CAPZB: variants seen among roughly 807,000 people sequenced by gnomAD.
The protein encoded by CAPZB is F-actin-capping protein subunit beta.
Under a neutral mutation model 38.1 loss-of-function variants are expected in CAPZB, and 2 were observed. The observed-to-expected ratio is 0.05, with a 90% CI of 0.02 to 0.17. The LOEUF (loss-of-function observed/expected upper bound fraction) is 0.17, where lower values mean the gene tolerates loss of function less well. Ranked by LOEUF, CAPZB falls within the 10% of genes least tolerant of loss-of-function variation. The pLI, the probability that CAPZB is intolerant of heterozygous loss-of-function variation, is 1.00. For missense variants in CAPZB, 161 were observed against 334.2 expected, an observed-to-expected ratio of 0.48 and a Z score of 4.04; for synonymous variants, 107 against 127.4, an observed-to-expected ratio of 0.84 and a Z score of 1.08.
chr1:19,429,172 T>C (rs540094905), intron 1 of CAPZB, among the ~76,000 whole-genome samples: 18 of 152,314 alleles, frequency 1.2e-4, no homozygotes, highest in African/African-American at 4.1e-4. Context: ...TTTTTACATT[T>C]ATCTGCTTCT....
chr1:19,484,192 G>C (rs1157139685), intron 1 of CAPZB: 1 of 1,611,802 alleles, frequency 6.2e-7, no homozygotes, highest in African/African-American at 1.3e-5. Flanking sequence ...CTGCTCACCT[G>C]ATCCGAGGGA....
At chr1:19,414,646 C>T (rs2094371495) in intron 2 of CAPZB, among the ~76,000 whole-genome samples, 1 of 152,236 alleles carries the variant, frequency 6.6e-6, no homozygotes, top group Admixed American at 6.5e-5. Context: ...GGAAGGCCTG[C>T]TGGGTGCCAA....
chr1:19,369,767 G>A (rs1368050510), intron 4 of CAPZB, among the ~76,000 whole-genome samples: 1 of 152,214 alleles, frequency 6.6e-6, no homozygotes, highest in East Asian at 1.9e-4. Flanking sequence ...GAAGGGGGAT[G>A]TCCCCAACCA....
intron 1 of CAPZB, 133 bp from the exon 2 acceptor site, chr1:19,419,883 C>G (rs2100509036): frequency 6.6e-6 from 4 of 609,632 alleles, no homozygotes; most frequent in Middle Eastern, 4.3e-4. Context: ...CGCCAGGTCT[C>G]TGTGTGCCAG....
intron 1 of CAPZB, among the ~76,000 whole-genome samples, chr1:19,429,652 A>G (rs1448126828): frequency 6.6e-6 from 1 of 152,166 alleles, no homozygotes; most frequent in African/African-American, 2.4e-5. Context: ...AGTAAAGCAC[A>G]TGGCTTATCT....
rs1558163310 is a variant in CAPZB at position 19,339,582 on chromosome 1, T to G, written c.767A>C (p.Glu256Ala). The change falls in exon 9 of 9, where the codon GAA becomes GCA. Residue 256 changes from glutamate (E) to alanine (A), a missense_variant. Glu to Ala is a moderately radical substitution (Grantham distance 107). Transcript: ENST00000264202. ...CTCCACCAGGTCATTCTTCAGAGCT[T>G]CTTGTTTTGATTTGTCTGCAAAAGT... ...VQTFADKSKQ[E>A]ALKNDLVEAL... 1.1e-5 allele frequency: 17 copies of G among 1,614,022 alleles called. No homozygotes were observed. The highest frequency in any genetic ancestry group is 6.7e-5 in the Admixed American group (4 of 60,012).
At chr1:19,451,356 A>C (rs1034970969) in intron 1 of CAPZB, among the ~76,000 whole-genome samples, 1 of 152,174 alleles carries the variant, frequency 6.6e-6, no homozygotes. Context: ...GATAAAAGGA[A>C]ATCACTGACA....
At chr1:19,370,641 G>C (rs943100803) in intron 4 of CAPZB, among the ~76,000 whole-genome samples, 1 of 152,198 alleles carries the variant, frequency 6.6e-6, no homozygotes, top group Non-Finnish European at 1.5e-5. Context: ...TTTGCACACA[G>C]TTCAGACGTC....
At position 19,339,263 on chromosome 1, in the gene CAPZB, C is replaced by CG. The variant is rs577553551; in HGVS notation, c.*266dup. ...ATAAATGGGGGGACAGGGAGGAAGA[C>CG]GGGGGGCCCGGGTGAACAAAAACCA... On this transcript the variant is annotated 3_prime_UTR_variant, in exon 9 of 9. Coordinates refer to ENST00000264202, the MANE Select transcript of CAPZB (RefSeq NM_004930.5). 7.5e-4 allele frequency: 349 copies of CG among 465,018 alleles called. 6 individuals carry two copies. In the South Asian group the frequency reaches 0.01, roughly 14 times the overall value. 28.8% of individuals were successfully genotyped at this position (465,018 alleles called of 1,614,324 possible). A position where few individuals can be genotyped will look rare whatever the true frequency, so the allele number is the denominator to read the frequency against.
intron 2 of CAPZB, among the ~76,000 whole-genome samples, chr1:19,397,273 C>T (rs1307458886): frequency 6.6e-6 from 1 of 152,178 alleles, no homozygotes; most frequent in African/African-American, 2.4e-5. Flanking sequence ...GGAATAACAG[C>T]AAAGATGTTT....
At position 19,339,000 on chromosome 1, in the gene CAPZB, G is replaced by T. The variant is rs1233788388; in HGVS notation, c.*530C>A. The T allele has an allele frequency of 6.7e-6, 1 of 148,264 alleles. No homozygotes were observed. The highest frequency in any genetic ancestry group is 2.5e-5 in the African/African-American group (1 of 40,288). The allele number at this position is 148,264 out of a possible 1,614,324, so 9.2% of individuals were successfully genotyped here. A position where few individuals can be genotyped will look rare whatever the true frequency, so the allele number is the denominator to read the frequency against. On this transcript the variant is annotated 3_prime_UTR_variant, in exon 9 of 9. Coordinates refer to ENST00000264202, the MANE Select transcript of CAPZB (RefSeq NM_004930.5). Reference sequence around the variant, plus strand: ...CCCCACCCCGCGGCCTCCGTGGGACGGGAGAGTCTGCGCAGGACGGCACCG... The same window carrying T: ...CCCCACCCCGCGGCCTCCGTGGGACTGGAGAGTCTGCGCAGGACGGCACCG...
intron 1 of CAPZB, among the ~76,000 whole-genome samples, chr1:19,444,917 AT>A (rs1239641375): frequency 6.6e-6 from 1 of 151,888 alleles, no homozygotes; most frequent in Non-Finnish European, 1.5e-5. Flanking sequence ...TAATTTTTGT[AT>A]TTTTAGTAGA....
At chr1:19,421,507 C>A (rs934796803) in intron 1 of CAPZB, among the ~76,000 whole-genome samples, 1 of 152,236 alleles carries the variant, frequency 6.6e-6, no homozygotes, top group Non-Finnish European at 1.5e-5. Flanking sequence ...AAACACCACA[C>A]CAGAAATTCT....
At chr1:19,391,640 T>G (rs2094235845) in intron 2 of CAPZB, among the ~76,000 whole-genome samples, 1 of 152,236 alleles carries the variant, frequency 6.6e-6, no homozygotes, top group African/African-American at 2.4e-5. Flanking sequence ...TGTGGCATTC[T>G]GTAAAAACAC....
intron 2 of CAPZB, among the ~76,000 whole-genome samples, chr1:19,387,503 C>T (rs574887666): frequency 1.3e-5 from 2 of 152,352 alleles, no homozygotes; most frequent in African/African-American, 4.8e-5. Flanking sequence ...TCACCTAACA[C>T]ATCATGCCTG....
At chr1:19,436,294 T>C (rs2094457942) in intron 1 of CAPZB, among the ~76,000 whole-genome samples, 1 of 152,210 alleles carries the variant, frequency 6.6e-6, no homozygotes, top group African/African-American at 2.4e-5. Flanking sequence ...GTACAAGCTA[T>C]GTACCCGTTA....
At chr1:19,418,402 G>A (rs1437138822) in intron 2 of CAPZB, among the ~76,000 whole-genome samples, 1 of 152,066 alleles carries the variant, frequency 6.6e-6, no homozygotes, top group Non-Finnish European at 1.5e-5. Flanking sequence ...GCACACAGTG[G>A]GTTCATTTGC....
At chr1:19,428,978 C>A (rs1390105993) in intron 1 of CAPZB, among the ~76,000 whole-genome samples, 1 of 152,210 alleles carries the variant, frequency 6.6e-6, no homozygotes, top group South Asian at 2.1e-4. Context: ...TCCAGGTCAT[C>A]AAGGTATCAA....
chr1:19,424,793 A>AC (rs2094416312), intron 1 of CAPZB: 1 of 152,166 alleles, frequency 6.6e-6, no homozygotes, highest in African/African-American at 2.4e-5. Flanking sequence ...GACATGCCTA[A>AC]CCGCCACACC....
Sources: allele counts gnomAD v4.1 joint callset (sites outside exome capture counted in the v4.1 genomes callset), GRCh38; gene constraint gnomAD v4.1.1; transcripts MANE v1.5; gene names NCBI Gene and HGNC (gene_info 2026-07-23, HGNC 2026-07-21).